SMIM21: variants seen among roughly 807,000 people sequenced by gnomAD.
SMIM21 encodes the protein small integral membrane protein 21.
Under a neutral mutation model 8.6 loss-of-function variants are expected in SMIM21, and 8 were observed. That is an observed-to-expected ratio of 0.93 (90% CI 0.55 to 1.68). The LOEUF (loss-of-function observed/expected upper bound fraction) is 1.68. Among genes scored for constraint, SMIM21 ranks in the 40% most tolerant of loss-of-function variants. The pLI is 0.00. For synonymous variants in SMIM21, 43 were observed against 41.7 expected, an observed-to-expected ratio of 1.03 and a Z score of -0.12; for missense variants, 132 against 123.0, an observed-to-expected ratio of 1.07 and a Z score of -0.35.
At chr18:75,426,765 A>C (rs2024769115) in intron 1 of SMIM21, among the ~76,000 whole-genome samples, 2 of 152,018 alleles carry the variant, frequency 1.3e-5, no homozygotes, top group African/African-American at 4.8e-5. Context: ...TCCTCTTCAC[A>C]GTCAGAAACA....
chr18:75,415,108 T>A (rs1348179182), intron 2 of SMIM21, among the ~76,000 whole-genome samples: 3 of 152,142 alleles, frequency 2.0e-5, no homozygotes, highest in African/African-American at 7.2e-5. Flanking sequence ...AGCTCTGTCA[T>A]CCTTCTGCTG....
chr18:75,410,682 G>A lies in SMIM21; in HGVS notation c.*182C>T, dbSNP rs2024574010. Reference sequence around the variant, plus strand: ...CAGAAAAAGGAAGAGTGCCCCTCAAGAACAAAGCAGACATTATCATTGCAA... The same window carrying A: ...CAGAAAAAGGAAGAGTGCCCCTCAAAAACAAAGCAGACATTATCATTGCAA... On this transcript the variant is annotated 3_prime_UTR_variant, in exon 3 of 3. Transcript: ENST00000579022. 7.1e-7 allele frequency: 1 copy of A among 1,406,802 alleles called. No individual in the cohort carries two copies. The highest frequency in any genetic ancestry group is 9.2e-7 in the Non-Finnish European group (1 of 1,082,432). 87.1% of individuals were successfully genotyped at this position (1,406,802 alleles called of 1,614,324 possible).
At chr18:75,418,059 T>A in intron 2 of SMIM21, 1 of 396,128 alleles carries the variant, frequency 2.5e-6, no homozygotes, top group Non-Finnish European at 4.4e-6. Flanking sequence ...TTGGAAGAGC[T>A]TGTGCCCACT....
intron 2 of SMIM21, chr18:75,416,463 C>G (rs554809659): frequency 2.0e-5 from 3 of 152,080 alleles, no homozygotes; most frequent in Non-Finnish European, 4.4e-5. Context: ...TTGTCACTTA[C>G]GTTTTAATTT....
intron 2 of SMIM21, among the ~76,000 whole-genome samples, chr18:75,413,367 A>AC (rs1253865086): frequency 1.3e-5 from 2 of 151,688 alleles, no homozygotes; most frequent in Non-Finnish European, 2.9e-5. Flanking sequence ...TCTCCTGATC[A>AC]CCCCCTGTGA....
intron 2 of SMIM21, chr18:75,412,556 G>T (rs2024595131): frequency 6.6e-6 from 1 of 152,196 alleles, no homozygotes. Flanking sequence ...TCTTAGTGAG[G>T]TGACCATCAT....
intron 1 of SMIM21, among the ~76,000 whole-genome samples, chr18:75,427,147 C>T (rs2144563557): frequency 6.6e-6 from 1 of 152,244 alleles, no homozygotes; most frequent in South Asian, 2.1e-4. Flanking sequence ...GGGGAGAGAT[C>T]ATTGACTCAT....
At chr18:75,425,263 A>G (rs987725823) in intron 1 of SMIM21, among the ~76,000 whole-genome samples, 1 of 152,164 alleles carries the variant, frequency 6.6e-6, no homozygotes, top group Admixed American at 6.5e-5. Flanking sequence ...CTGCCTGCAA[A>G]CAGGAGATAC....
chr18:75,425,446 TG>T (rs1349618650), intron 1 of SMIM21, among the ~76,000 whole-genome samples: 5 of 152,246 alleles, frequency 3.3e-5, no homozygotes, highest in African/African-American at 1.2e-4. Context: ...TTTCATGCCC[TG>T]TATTGGCTTT....
chr18:75,413,319 T>C (rs536857854), intron 2 of SMIM21, among the ~76,000 whole-genome samples: 1 of 152,364 alleles, frequency 6.6e-6, no homozygotes, highest in African/African-American at 2.4e-5. Flanking sequence ...TTTACTATTG[T>C]GAATTCTAAA....
At chr18:75,421,945 G>A (rs1177680455) in intron 1 of SMIM21, among the ~76,000 whole-genome samples, 1 of 152,032 alleles carries the variant, frequency 6.6e-6, no homozygotes, top group African/African-American at 2.4e-5. Context: ...TGAGCTTTTG[G>A]ATCCCTGAAA....
Position 75,427,643 on chromosome 18 carries a change from C to A in SMIM21, c.-80G>T, listed in dbSNP as rs892584503. ...GGACACAGAGCTGGTGCTATAAGACCTGGTAACTAAGTTCCCAAGGAGCTT... is the reference window on the plus strand; with the variant it reads ...GGACACAGAGCTGGTGCTATAAGACATGGTAACTAAGTTCCCAAGGAGCTT... On this transcript the variant is annotated 5_prime_UTR_variant, in exon 1 of 3. It adds an upstream start codon to the 5' untranslated region. Transcript: ENST00000579022. The A allele has an allele frequency of 5.7e-6, 8 of 1,401,078 alleles. No individual in the cohort carries two copies. The African/African-American group carries it at 1.1e-4, about 20-fold the overall frequency. The allele number at this position is 1,401,078 out of a possible 1,614,324, so 86.8% of individuals were successfully genotyped here.
At position 75,418,885 on chromosome 18, in the gene SMIM21, G is replaced by T. The variant is rs891201975; in HGVS notation, c.161C>A (p.Thr54Lys). The T allele has an allele frequency of 6.2e-7, 1 of 1,602,174 alleles. No homozygotes were observed. Among genetic ancestry groups the T allele is most frequent in the South Asian group, 1.1e-5 (1 of 90,766 alleles). The change falls in exon 2 of 3, where the codon ACA becomes AAA. Residue 54 changes from threonine (T) to lysine (K), a missense_variant. Thr to Lys is a moderately conservative substitution (Grantham distance 78, BLOSUM62 -1). Transcript: ENST00000579022. ...FENEHHIRFF[T>K]LLVLFHVMVL... ...CATCACATGGAAAAGAACCAACAAT[G>T]TGAAGAAACGAATATGGTGTTCATT...
chr18:75,426,631 TAAAAAAAAAAAA>T (rs777676195), intron 1 of SMIM21, among the ~76,000 whole-genome samples: 19 of 89,252 alleles, frequency 2.1e-4, no homozygotes, highest in South Asian at 8.1e-4. Context: ...TTTTAAAATG[TAAAAAAAAAAAA>T]AAAAAAAAAA....
At chr18:75,425,831 A>C (rs1388969577) in intron 1 of SMIM21, among the ~76,000 whole-genome samples, 1 of 152,210 alleles carries the variant, frequency 6.6e-6, no homozygotes, top group Non-Finnish European at 1.5e-5. Context: ...AACCTAAGAA[A>C]GATGGAAGAA....
chr18:75,414,098 T>TACACACACACACACACACAC (rs797004830), intron 2 of SMIM21, among the ~76,000 whole-genome samples: 4 of 51,272 alleles, frequency 7.8e-5, no homozygotes, highest in East Asian at 2.0e-3. Context: ...CACACACACA[T>TACACACACACACACACACAC]ACACACACAC....
At chr18:75,413,564 T>C (rs1236690183) in intron 2 of SMIM21, among the ~76,000 whole-genome samples, 1 of 152,226 alleles carries the variant, frequency 6.6e-6, no homozygotes, top group Admixed American at 6.5e-5. Flanking sequence ...GATATTAGTA[T>C]AAAACAGGAC....
At chr18:75,421,103 C>T (rs17057038) in intron 1 of SMIM21, among the ~76,000 whole-genome samples, 159 of 152,196 alleles carry the variant, frequency 1.0e-3, no homozygotes, top group African/African-American at 3.7e-3. Flanking sequence ...TTGGGTTGAT[C>T]GCGAAGCAGT....
intron 2 of SMIM21, chr18:75,415,989 C>G (rs2024639953): frequency 6.6e-6 from 1 of 152,210 alleles, no homozygotes; most frequent in Admixed American, 6.5e-5. Context: ...TTTACTGTTA[C>G]AGTACTCAGT....
Sources: allele counts gnomAD v4.1 joint callset (sites outside exome capture counted in the v4.1 genomes callset), GRCh38; gene constraint gnomAD v4.1.1; transcripts MANE v1.5; gene names NCBI Gene and HGNC (gene_info 2026-07-23, HGNC 2026-07-21).